The following TMEM74 variants were observed in gnomAD, a reference collection of about 807,000 sequenced individuals.
The protein encoded by TMEM74 is transmembrane protein 74.
In TMEM74, 13 loss-of-function variants were observed where a neutral mutation model predicts 18.1. The observed-to-expected ratio is 0.72, with a 90% CI of 0.47 to 1.14. The LOEUF (loss-of-function observed/expected upper bound fraction) is 1.14. Ranked by LOEUF, TMEM74 falls within the 50% of genes most tolerant of loss-of-function variation. The pLI is 0.00. For synonymous variants in TMEM74, 159 were observed against 146.6 expected (o/e 1.08, Z -0.61); for missense variants, 372 against 375.9 (o/e 0.99, Z 0.09).
At chr8:108,641,634 C>A (rs1812666220) in intron 2 of TMEM74, among the ~76,000 whole-genome samples, 1 of 152,160 alleles carries the variant, frequency 6.6e-6, no homozygotes, top group South Asian at 2.1e-4. Context: ...AAGTATATCT[C>A]ACCCCAAGAC....
At chr8:108,684,679 A>AT (rs1813150050) in intron 1 of TMEM74, among the ~76,000 whole-genome samples, 2 of 131,128 alleles carry the variant, frequency 1.5e-5, no homozygotes, top group Non-Finnish European at 3.2e-5. Flanking sequence ...CATTTACCCT[A>AT]TGTTTTTCTA....
chr8:108,710,282 A>C (rs145641560), intron 1 of TMEM74, among the ~76,000 whole-genome samples: 2 of 152,366 alleles, frequency 1.3e-5, no homozygotes, highest in African/African-American at 4.8e-5. Flanking sequence ...AGAGAACTAT[A>C]GGGACCATGA....
At chr8:108,756,600 A>AAGGG (rs1554577366) in intron 1 of TMEM74, among the ~76,000 whole-genome samples, 2,087 of 40,634 alleles carry the variant, frequency 0.051, 133 homozygotes, top group Middle Eastern at 0.083. Context: ...AAGAAAGAGA[A>AAGGG]AGGAAGGAAG....
chr8:108,611,923 G>A (rs1017868094), intron 2 of TMEM74, among the ~76,000 whole-genome samples: 1 of 152,176 alleles, frequency 6.6e-6, no homozygotes, highest in African/African-American at 2.4e-5. Flanking sequence ...GAAAGCCTCA[G>A]GAAACTTACA....
chr8:108,634,582 G>A (rs1376343420), intron 2 of TMEM74, among the ~76,000 whole-genome samples: 1 of 151,936 alleles, frequency 6.6e-6, no homozygotes, highest in African/African-American at 2.4e-5. Flanking sequence ...CTTTGTTCAT[G>A]GATGGGCTCT....
At chr8:108,735,699 G>A (rs1027549765) in intron 1 of TMEM74, among the ~76,000 whole-genome samples, 1 of 152,094 alleles carries the variant, frequency 6.6e-6, no homozygotes, top group Non-Finnish European at 1.5e-5. Context: ...TGTGGACATA[G>A]GCTTTTCTTT....
intron 2 of TMEM74, among the ~76,000 whole-genome samples, chr8:108,629,842 T>C (rs1004334078): frequency 4.0e-5 from 6 of 151,852 alleles, no homozygotes; most frequent in African/African-American, 1.2e-4. Flanking sequence ...AAGCACTAAA[T>C]ATGGAAATGA....
intron 1 of TMEM74, among the ~76,000 whole-genome samples, chr8:108,699,144 T>TC (rs1212726703): frequency 8.0e-4 from 28 of 35,172 alleles, no homozygotes; most frequent in African/African-American, 3.3e-3. Flanking sequence ...CCCCTCCCTC[T>TC]TTTCCTTCCT....
chr8:108,674,739 A>G lies in TMEM74; in HGVS notation n.120-19302T>C, dbSNP rs547174109. ...ACTGGGCCCCAGATGGGCAAGGTCA[A>G]GCTGTACAACTCCAGAATGGCACCA... On this transcript the variant is annotated intron_variant and non_coding_transcript_variant, in intron 1 of 3. Coordinates refer to the TMEM74 transcript ENST00000518838. Among the ~76,000 whole-genome samples the G allele has an allele frequency of 3.9e-5, 6 of 152,326 alleles. No individual in the cohort carries two copies. In the East Asian group the frequency reaches 1.2e-3, roughly 29 times the overall value.
chr8:108,681,689 T>C (rs1014163119), intron 1 of TMEM74, among the ~76,000 whole-genome samples: 13 of 152,186 alleles, frequency 8.5e-5, no homozygotes, highest in African/African-American at 3.1e-4. Flanking sequence ...AGGAAGTGAC[T>C]GCTTAATGAG....
At chr8:108,733,021 T>G (rs1298297265) in intron 1 of TMEM74, among the ~76,000 whole-genome samples, 1 of 152,114 alleles carries the variant, frequency 6.6e-6, no homozygotes, top group Non-Finnish European at 1.5e-5. Context: ...TTAGAGAATG[T>G]GGAGCATCTG....
intron 1 of TMEM74, among the ~76,000 whole-genome samples, chr8:108,684,434 A>ATT (rs34687318): frequency 4.1e-5 from 6 of 144,824 alleles, no homozygotes; most frequent in African/African-American, 1.5e-4. Context: ...TTTTTTGCCC[A>ATT]TTTTTTTTTT....
intron 1 of TMEM74, among the ~76,000 whole-genome samples, chr8:108,703,565 G>T (rs963916860): frequency 6.6e-6 from 1 of 152,150 alleles, no homozygotes; most frequent in African/African-American, 2.4e-5. Context: ...CTGCATTAGG[G>T]TCATAGAAGG....
At chr8:108,689,452 T>C (rs61152193) in intron 1 of TMEM74, among the ~76,000 whole-genome samples, 4,466 of 152,240 alleles carry the variant, frequency 0.029, 120 homozygotes, top group African/African-American at 0.066. Context: ...CTATGTAAAA[T>C]GATATTTTAC....
intron 1 of TMEM74, among the ~76,000 whole-genome samples, chr8:108,702,500 T>C (rs1245856875): frequency 6.6e-6 from 1 of 152,118 alleles, no homozygotes; most frequent in African/African-American, 2.4e-5. Flanking sequence ...CAAATGAATC[T>C]GGATACACAT....
chr8:108,764,819 C>G (rs1814084761), intron 1 of TMEM74, among the ~76,000 whole-genome samples: 1 of 152,118 alleles, frequency 6.6e-6, no homozygotes, highest in African/African-American at 2.4e-5. Context: ...TGTATCTGGT[C>G]TTTAAAAACA....
intron 1 of TMEM74, among the ~76,000 whole-genome samples, chr8:108,742,992 A>C (rs1220524169): frequency 2.0e-5 from 3 of 152,198 alleles, no homozygotes; most frequent in Non-Finnish European, 4.4e-5. Flanking sequence ...ATTTTTTTGC[A>C]TTCAGCACAA....
At chr8:108,763,205 T>C (rs926976071) in intron 1 of TMEM74, among the ~76,000 whole-genome samples, 1 of 151,996 alleles carries the variant, frequency 6.6e-6, no homozygotes, top group Non-Finnish European at 1.5e-5. Flanking sequence ...CTTTTCCCCA[T>C]TGTAACATTC....
chr8:108,706,234 C>T (rs892918030), intron 1 of TMEM74, among the ~76,000 whole-genome samples: 17 of 152,148 alleles, frequency 1.1e-4, no homozygotes, highest in South Asian at 2.1e-4. Flanking sequence ...CTAATAACTA[C>T]GTTTTAGGTT....
Sources: gnomAD v4.1 joint callset for allele counts (sites outside exome capture counted in the v4.1 genomes callset) on GRCh38, gnomAD v4.1.1 for gene constraint, MANE v1.5 for transcripts, NCBI Gene and HGNC (gene_info 2026-07-23, HGNC 2026-07-21) for gene names.